Variants in CD99 observed in about 807,000 individuals in gnomAD.
CD99 encodes CD99 antigen.
A neutral mutation model predicts 28.4 loss-of-function variants in CD99; 19 were observed. The ratio of observed to expected loss-of-function variants is 0.67; its 90% confidence interval spans 0.47 to 0.98. The LOEUF is 0.98. Among genes scored for constraint, CD99 ranks in the 50% least tolerant of loss-of-function variants. The pLI, the probability that CD99 is intolerant of heterozygous loss-of-function variation, is 0.00. For missense variants in CD99, 283 were observed against 248.8 expected (o/e 1.14, Z -0.92); for synonymous variants, 103 against 92.1 (o/e 1.12, Z -0.67).
intron 1 of CD99, among the ~76,000 whole-genome samples, chrX:2,697,478 G>A (rs2047630805): frequency 6.6e-6 from 1 of 152,148 alleles, no homozygotes; most frequent in Admixed American, 6.5e-5. Flanking sequence ...ACCTGAGTTT[G>A]CCCAGGTAGC....
intron 1 of CD99, among the ~76,000 whole-genome samples, chrX:2,706,155 C>T (rs919965051): frequency 4.6e-5 from 7 of 151,434 alleles, no homozygotes; most frequent in African/African-American, 1.5e-4. Context: ...TTCAGGAGAT[C>T]GAGACCATCC....
intron 2 of CD99, among the ~76,000 whole-genome samples, chrX:2,715,987 A>G (rs1449984620): frequency 4.0e-5 from 6 of 149,324 alleles, no homozygotes; most frequent in Non-Finnish European, 7.4e-5. Context: ...TCTTGGAGGA[A>G]TGCTTTTCAA....
intron 8 of CD99, among the ~76,000 whole-genome samples, chrX:2,732,949 TCCTCCCTC>T (rs778008542): frequency 2.2e-5 from 3 of 138,840 alleles, no homozygotes; most frequent in African/African-American, 8.1e-5. Context: ...CTCCTTCCCT[TCCTCCCTC>T]CCTCCCTCAT....
intron 8 of CD99, chrX:2,733,473 C>A: frequency 7.7e-7 from 1 of 1,292,962 alleles, no homozygotes; most frequent in Non-Finnish European, 1.1e-6. Flanking sequence ...ATCTGCCGCT[C>A]CCCTCGCCCT....
intron 8 of CD99, among the ~76,000 whole-genome samples, chrX:2,731,356 A>G (rs2049595040): frequency 6.6e-6 from 1 of 152,178 alleles, no homozygotes; most frequent in Non-Finnish European, 1.5e-5. Flanking sequence ...TTGGGAGGCC[A>G]AGGCGGGTGG....
At chrX:2,715,279 A>G (rs2048638899) in intron 2 of CD99, 1 of 152,270 alleles carries the variant, frequency 6.6e-6, no homozygotes, top group African/African-American at 2.4e-5. Flanking sequence ...GGTGCCACCA[A>G]CTGGGGGCTT....
rs894971457 is a variant in CD99, at chrX:2,739,956, G to A, written c.533-823G>A. ...AAAAAAAAAAAATTAGCCAGGCATC[G>A]TGGCGCATGCCTGTAATTCCAGCTA... On this transcript the variant is annotated intron_variant, in intron 9 of 9. Transcript: ENST00000381192. 4.7e-5 allele frequency among the ~76,000 whole-genome samples: 7 copies of A among 149,734 alleles called. No individual in the cohort carries two copies. In the East Asian group the frequency reaches 7.9e-4, roughly 17 times the overall value.
intron 1 of CD99, among the ~76,000 whole-genome samples, chrX:2,702,443 C>G (rs144985469): frequency 5.3e-5 from 8 of 152,128 alleles, no homozygotes; most frequent in African/African-American, 1.9e-4. Flanking sequence ...ATATTTTGGA[C>G]ACCATGAGAA....
intron 2 of CD99, chrX:2,714,879 AAC>A: frequency 3.1e-5 from 5 of 160,294 alleles, no homozygotes. Flanking sequence ...TTATTATAAA[AAC>A]TAGACTCATA....
chrX:2,706,486 A>G (rs1382265787), intron 1 of CD99, among the ~76,000 whole-genome samples: 1 of 152,158 alleles, frequency 6.6e-6, no homozygotes, highest in Non-Finnish European at 1.5e-5. Flanking sequence ...CAATGTCCTG[A>G]AAGTTTCGTG....
chrX:2,732,616 C>T (rs918094557), intron 8 of CD99, among the ~76,000 whole-genome samples: 19 of 149,774 alleles, frequency 1.3e-4, no homozygotes, highest in African/African-American at 4.4e-4. Context: ...TCCTCCCTCC[C>T]TCCCTTCTTC....
intron 1 of CD99, among the ~76,000 whole-genome samples, chrX:2,696,023 G>A (rs1172750926): frequency 6.6e-6 from 1 of 152,158 alleles, no homozygotes; most frequent in Non-Finnish European, 1.5e-5. Flanking sequence ...ATTAACATGC[G>A]TTTTTCATTG....
In CD99 at chrX:2,723,295, C is replaced by T. The variant is rs368739712; in HGVS notation, c.311-19C>T. On this transcript the variant is annotated intron_variant, in intron 6 of 9. Coordinates refer to ENST00000381192, the MANE Select transcript of CD99 (RefSeq NM_002414.5). ...TGACCCCAAACCTTCCCATTGCAGA[C>T]GTTGTTTTTGTCTTGCAGGAAAAGG... The T allele has an allele frequency of 1.8e-5, 29 of 1,613,776 alleles. No individual in the cohort carries two copies. In the East Asian group the frequency reaches 2.0e-4, roughly 11 times the overall value.
At chrX:2,736,639 C>T (rs745421641) in intron 8 of CD99, among the ~76,000 whole-genome samples, 1 of 152,092 alleles carries the variant, frequency 6.6e-6, no homozygotes, top group African/African-American at 2.4e-5. Flanking sequence ...GGGCGGATCA[C>T]AAGGTCAGGA....
chrX:2,727,233 G>A (rs762253501), intron 8 of CD99: 42 of 757,420 alleles, frequency 5.5e-5, no homozygotes, highest in South Asian at 4.5e-4. Context: ...TTCTTGGATC[G>A]GGACTAAAAT....
chrX:2,729,254 A>G (rs780480821), intron 8 of CD99, among the ~76,000 whole-genome samples: 20 of 152,304 alleles, frequency 1.3e-4, no homozygotes, highest in Non-Finnish European at 2.8e-4. Context: ...GTTGCAAAGG[A>G]TGTTTATTAC....
chrX:2,736,962 A>G (rs1304054547), intron 8 of CD99, among the ~76,000 whole-genome samples: 1 of 151,966 alleles, frequency 6.6e-6, no homozygotes, highest in Non-Finnish European at 1.5e-5. Context: ...GGTACACAAG[A>G]CGCCTTGGCT....
At chrX:2,692,778 C>G (rs1449723689) in intron 1 of CD99, among the ~76,000 whole-genome samples, 2 of 152,218 alleles carry the variant, frequency 1.3e-5, no homozygotes, top group Non-Finnish European at 2.9e-5. Flanking sequence ...ACTTGTCTCT[C>G]TGCGAATGCA....
intron 1 of CD99, chrX:2,692,113 C>T: frequency 1.7e-6 from 1 of 596,700 alleles, no homozygotes. Context: ...AAGAAAGAGC[C>T]ACGGTCACCC....
Sources: allele counts gnomAD v4.1 joint callset (sites outside exome capture counted in the v4.1 genomes callset), GRCh38; gene constraint gnomAD v4.1.1; transcripts MANE v1.5; gene names NCBI Gene and HGNC (gene_info 2026-07-23, HGNC 2026-07-21).